AKAP19: variants seen among roughly 807,000 people sequenced by gnomAD.
The protein encoded by AKAP19 is small A-kinase anchoring protein.
At chr2:189,887,293 G>T in the AKAP19 span, among the ~76,000 whole-genome samples, 1 of 152,110 alleles carries the variant, frequency 6.6e-6, no homozygotes, top group African/African-American at 2.4e-5. Flanking sequence ...CCATGTCCCT[G>T]CAAAGACCAT....
the AKAP19 span, among the ~76,000 whole-genome samples, chr2:190,144,839 C>A: frequency 2.0e-5 from 3 of 151,970 alleles, no homozygotes; most frequent in Non-Finnish European, 4.4e-5. Flanking sequence ...TAGCCAGGCA[C>A]GGTGGCACAC....
the AKAP19 span, among the ~76,000 whole-genome samples, chr2:189,936,437 T>C: frequency 6.6e-6 from 1 of 152,198 alleles, no homozygotes; most frequent in Non-Finnish European, 1.5e-5. Flanking sequence ...AAGTCAATAG[T>C]TCTAGGGTAG....
chr2:190,043,671 G>C, the AKAP19 span, among the ~76,000 whole-genome samples: 2 of 152,046 alleles, frequency 1.3e-5, no homozygotes, highest in African/African-American at 4.8e-5. Flanking sequence ...TCCTATCCAT[G>C]TTCTGAATTC....
chr2:190,112,662 C>T, the AKAP19 span, among the ~76,000 whole-genome samples: 1 of 152,044 alleles, frequency 6.6e-6, no homozygotes, highest in Admixed American at 6.6e-5. Flanking sequence ...AAATGACTTT[C>T]CTCCTTTAGA....
At chr2:190,024,680 C>G in the AKAP19 span, among the ~76,000 whole-genome samples, 5 of 152,086 alleles carry the variant, frequency 3.3e-5, no homozygotes, top group African/African-American at 1.2e-4. Flanking sequence ...TTCACTCTGG[C>G]TGATTCTAGG....
At chr2:189,913,347 GT>G in the AKAP19 span, among the ~76,000 whole-genome samples, 1 of 151,750 alleles carries the variant, frequency 6.6e-6, no homozygotes, top group East Asian at 1.9e-4. Flanking sequence ...ATCAATATTG[GT>G]TTTGTAATTA....
chr2:190,112,628 T>A, the AKAP19 span, among the ~76,000 whole-genome samples: 1 of 152,186 alleles, frequency 6.6e-6, no homozygotes, highest in African/African-American at 2.4e-5. Flanking sequence ...ATCAAATTCT[T>A]CTTCTACATC....
the AKAP19 span, among the ~76,000 whole-genome samples, chr2:190,017,134 AT>A: frequency 2.2e-4 from 33 of 151,880 alleles, no homozygotes; most frequent in African/African-American, 7.5e-4. Flanking sequence ...TGCTTATAAT[AT>A]TTTTTTCCTA....
At chr2:190,199,503 A>G in the AKAP19 span, among the ~76,000 whole-genome samples, 5 of 152,160 alleles carry the variant, frequency 3.3e-5, no homozygotes, top group Non-Finnish European at 5.9e-5. Flanking sequence ...CTTGAAAAAA[A>G]GTTTTCCTAT....
the AKAP19 span, among the ~76,000 whole-genome samples, chr2:190,070,357 CT>C: frequency 6.6e-6 from 1 of 151,434 alleles, no homozygotes; most frequent in African/African-American, 2.4e-5. Flanking sequence ...TCAGTAGTTT[CT>C]AGTTATTTTA....
chr2:190,046,512 G>T, the AKAP19 span, among the ~76,000 whole-genome samples: 2 of 152,084 alleles, frequency 1.3e-5, no homozygotes, highest in Non-Finnish European at 2.9e-5. Flanking sequence ...AGAATTCAGA[G>T]GATCTGAGAA....
At chr2:190,120,306 T>C in the AKAP19 span, among the ~76,000 whole-genome samples, 1 of 152,186 alleles carries the variant, frequency 6.6e-6, no homozygotes, top group Non-Finnish European at 1.5e-5. Context: ...CCCACTGCCC[T>C]AATTTTTTAT....
At chr2:190,172,256 A>G in the AKAP19 span, among the ~76,000 whole-genome samples, 1 of 152,018 alleles carries the variant, frequency 6.6e-6, no homozygotes, top group African/African-American at 2.4e-5. Context: ...TGTTATTTGC[A>G]TTTTACAGTA....
chr2:189,990,892 A>T, the AKAP19 span, among the ~76,000 whole-genome samples: 1 of 152,222 alleles, frequency 6.6e-6, no homozygotes, highest in South Asian at 2.1e-4. Flanking sequence ...CCCAAAGCCC[A>T]TTATATCACT....
the AKAP19 span, among the ~76,000 whole-genome samples, chr2:190,087,314 A>T: frequency 6.6e-6 from 1 of 152,182 alleles, no homozygotes; most frequent in Admixed American, 6.5e-5. Flanking sequence ...GCCAGATCAT[A>T]GTGGGAGAAA....
chr2:190,137,782 T>G, the AKAP19 span: 1 of 4,448 alleles, frequency 2.2e-4, no homozygotes, highest in African/African-American at 2.6e-4. Flanking sequence ...TTGTCATCAT[T>G]CAGGAGCTAT....
At chr2:190,161,049 T>G in the AKAP19 span, among the ~76,000 whole-genome samples, 12 of 152,242 alleles carry the variant, frequency 7.9e-5, no homozygotes, top group Admixed American at 2.6e-4. Context: ...TTTTTAAAGC[T>G]CCCCAAATTT....
chr2:190,057,671 C>T, the AKAP19 span: 3 of 1,610,216 alleles, frequency 1.9e-6, no homozygotes, highest in Non-Finnish European at 2.5e-6. Context: ...TCAGTAATAT[C>T]AATAGGCCTG....
At chr2:190,035,689 T>C in the AKAP19 span, among the ~76,000 whole-genome samples, 4 of 152,180 alleles carry the variant, frequency 2.6e-5, no homozygotes, top group Admixed American at 2.0e-4. Context: ...AAAAGCCTTT[T>C]GTGTCTGGAT....
Sources: allele counts gnomAD v4.1 joint callset (sites outside exome capture counted in the v4.1 genomes callset), GRCh38; gene constraint gnomAD v4.1.1; transcripts MANE v1.5; gene names NCBI Gene and HGNC (gene_info 2026-07-23, HGNC 2026-07-21).